EFHD1: variants seen among roughly 807,000 people sequenced by gnomAD.
EFHD1 encodes EF-hand domain family member D1, also known as EF-hand domain-containing protein D1.
A neutral mutation model predicts 17.2 loss-of-function variants in EFHD1; 10 were observed. The observed-to-expected ratio is 0.58, with a 90% CI of 0.36 to 0.99. EFHD1 has a LOEUF of 0.99. Ranked by LOEUF, EFHD1 falls within the 50% of genes least tolerant of loss-of-function variation. The pLI is 0.01. For missense variants in EFHD1, 310 were observed against 327.5 expected (o/e 0.95, Z 0.41); for synonymous variants, 153 against 142.0 (o/e 1.08, Z -0.55).
intron 1 of EFHD1, among the ~76,000 whole-genome samples, chr2:232,613,767 TACAC>T (rs766830646): frequency 3.9e-4 from 54 of 137,800 alleles, no homozygotes; most frequent in South Asian, 6.9e-4. Context: ...CGCACACACA[TACAC>T]ACACAAATAT....
At chr2:232,677,243 T>TACACACACACACAC (rs569120803) in intron 3 of EFHD1, among the ~76,000 whole-genome samples, 146 of 99,320 alleles carry the variant, frequency 1.5e-3, no homozygotes, top group African/African-American at 4.7e-3. Flanking sequence ...CACACACACG[T>TACACACACACACAC]ACACACACAC....
chr2:232,622,537 C>A (rs1404317599), intron 1 of EFHD1, among the ~76,000 whole-genome samples: 1 of 152,122 alleles, frequency 6.6e-6, no homozygotes, highest in Non-Finnish European at 1.5e-5. Context: ...TATTTAGACC[C>A]CAGGTCTAGC....
At chr2:232,648,405 G>C (rs903800024) in intron 1 of EFHD1, among the ~76,000 whole-genome samples, 13 of 151,858 alleles carry the variant, frequency 8.6e-5, no homozygotes, top group Middle Eastern at 3.2e-3. Flanking sequence ...CTGTTTCCCA[G>C]CCCGCAGCTG....
intron 1 of EFHD1, among the ~76,000 whole-genome samples, chr2:232,624,621 G>A (rs181600924): frequency 2.9e-3 from 447 of 152,386 alleles, no homozygotes; most frequent in Non-Finnish European, 4.5e-3. Context: ...TATCCACTGG[G>A]CACTGGCAGC....
chr2:232,627,435 C>T (rs1559340261), intron 1 of EFHD1, among the ~76,000 whole-genome samples: 1 of 152,040 alleles, frequency 6.6e-6, no homozygotes, highest in Non-Finnish European at 1.5e-5. Context: ...TGCAACTAAA[C>T]CTCAAGAAAT....
intron 1 of EFHD1, among the ~76,000 whole-genome samples, chr2:232,656,030 TCTC>T (rs1694755216): frequency 6.6e-6 from 1 of 152,022 alleles, no homozygotes; most frequent in African/African-American, 2.4e-5. Context: ...ATGGTCTTGA[TCTC>T]CTGACCGCGT....
chr2:232,653,446 A>G (rs1694695275), intron 1 of EFHD1, among the ~76,000 whole-genome samples: 1 of 152,078 alleles, frequency 6.6e-6, no homozygotes, highest in Admixed American at 6.6e-5. Context: ...ACGCGCCACC[A>G]GGTCCAGCTA....
At chr2:232,618,417 A>T (rs10933399) in intron 1 of EFHD1, among the ~76,000 whole-genome samples, 1 of 152,032 alleles carries the variant, frequency 6.6e-6, no homozygotes, top group Admixed American at 6.6e-5. Flanking sequence ...GCTCAACGTT[A>T]TTAGTCATTA....
At chr2:232,613,645 TAC>T (rs755155291) in intron 1 of EFHD1, among the ~76,000 whole-genome samples, 11 of 132,590 alleles carry the variant, frequency 8.3e-5, no homozygotes, top group Admixed American at 2.3e-4. Flanking sequence ...TACACACACA[TAC>T]ACACACACAC....
intron 1 of EFHD1, among the ~76,000 whole-genome samples, chr2:232,639,748 C>T (rs1459591272): frequency 6.6e-6 from 1 of 152,120 alleles, no homozygotes; most frequent in Non-Finnish European, 1.5e-5. Flanking sequence ...AGGCTGTCTA[C>T]AATTGATATT....
At chr2:232,664,922 A>G (rs531936123) in intron 2 of EFHD1, among the ~76,000 whole-genome samples, 1 of 148,208 alleles carries the variant, frequency 6.7e-6, no homozygotes, top group South Asian at 2.2e-4. Flanking sequence ...CTATTTTTTA[A>G]TTTTTTGAGA....
intron 1 of EFHD1, among the ~76,000 whole-genome samples, chr2:232,620,127 G>A (rs1300876272): frequency 6.7e-6 from 1 of 150,366 alleles, no homozygotes. Flanking sequence ...GGTGGCTCAC[G>A]CCTGTAATCC....
intron 1 of EFHD1, among the ~76,000 whole-genome samples, chr2:232,642,766 G>T (rs1039262128): frequency 6.6e-6 from 1 of 151,696 alleles, no homozygotes; most frequent in Non-Finnish European, 1.5e-5. Context: ...GTTCCCGAGG[G>T]TCACCTCCAG....
At chr2:232,639,134 C>T (rs1019930154) in intron 1 of EFHD1, among the ~76,000 whole-genome samples, 21 of 151,320 alleles carry the variant, frequency 1.4e-4, no homozygotes, top group Non-Finnish European at 2.4e-4. Context: ...CCTCATTCCT[C>T]GCTCCACACC....
chr2:232,642,058 A>G (rs1007202400), intron 1 of EFHD1, among the ~76,000 whole-genome samples: 4 of 152,160 alleles, frequency 2.6e-5, no homozygotes, highest in Admixed American at 2.0e-4. Context: ...GAGGTGGTCC[A>G]TGGTGTGTTT....
chr2:232,617,749 G>A (rs1429139710), intron 1 of EFHD1, among the ~76,000 whole-genome samples: 1 of 150,798 alleles, frequency 6.6e-6, no homozygotes, highest in Admixed American at 6.6e-5. Flanking sequence ...GATCACCTGA[G>A]GTCAGGAGTT....
chr2:232,655,417 G>A (rs1007268627), intron 1 of EFHD1, among the ~76,000 whole-genome samples: 24 of 152,344 alleles, frequency 1.6e-4, no homozygotes, highest in African/African-American at 3.1e-4. Context: ...GCCAAGGTAC[G>A]TCTTCTCAAC....
At chr2:232,652,211 A>G (rs1372358522) in intron 1 of EFHD1, among the ~76,000 whole-genome samples, 1 of 152,222 alleles carries the variant, frequency 6.6e-6, no homozygotes, top group Admixed American at 6.5e-5. Context: ...TCCTTTGCAT[A>G]TGTCGGTAGC....
chr2:232,630,702 T>C (rs535963265), upstream of EFHD1, among the ~76,000 whole-genome samples: 2 of 151,592 alleles, frequency 1.3e-5, no homozygotes, highest in East Asian at 1.9e-4. Flanking sequence ...TCCCAGCACT[T>C]TGGGAGGCCT....
Sources: gnomAD v4.1 joint callset for allele counts (sites outside exome capture counted in the v4.1 genomes callset) on GRCh38, gnomAD v4.1.1 for gene constraint, MANE v1.5 for transcripts, NCBI Gene and HGNC (gene_info 2026-07-23, HGNC 2026-07-21) for gene names.